The following PLD1 variants were observed in gnomAD, a reference collection of about 807,000 sequenced individuals.
The protein encoded by PLD1 is choline phosphatase 1.
A neutral mutation model predicts 137.1 loss-of-function variants in PLD1; 112 were observed. That is an observed-to-expected ratio of 0.82 (90% CI 0.70 to 0.96). The LOEUF (loss-of-function observed/expected upper bound fraction) is 0.96, where lower values mean the gene tolerates loss of function less well. PLD1 is among the 40% of genes least tolerant of loss of function. PLD1 has a pLI of 0.00. For synonymous variants in PLD1, 431 were observed against 454.7 expected, an observed-to-expected ratio of 0.95 and a Z score of 0.66; for missense variants, 1,321 against 1,342.0, an observed-to-expected ratio of 0.98 and a Z score of 0.24.
At chr3:171,643,427 A>T (rs1253523797) in intron 22 of PLD1, among the ~76,000 whole-genome samples, 1 of 152,170 alleles carries the variant, frequency 6.6e-6, no homozygotes, top group Non-Finnish European at 1.5e-5. Flanking sequence ...CTGATGAATT[A>T]TAAAATCTGA....
chr3:171,648,678 C>T (rs902302398), intron 21 of PLD1, among the ~76,000 whole-genome samples: 5 of 152,082 alleles, frequency 3.3e-5, no homozygotes, highest in Non-Finnish European at 5.9e-5. Flanking sequence ...CCTCAGCTTC[C>T]CGAGTAGCTG....
intron 19 of PLD1, among the ~76,000 whole-genome samples, chr3:171,662,421 C>T (rs1371764320): frequency 3.9e-5 from 6 of 151,974 alleles, no homozygotes; most frequent in African/African-American, 1.4e-4. Flanking sequence ...CTGAATATAC[C>T]CTCTTTCATC....
chr3:171,744,682 A>G (rs1239191620), intron 1 of PLD1, among the ~76,000 whole-genome samples: 1 of 152,254 alleles, frequency 6.6e-6, no homozygotes, highest in East Asian at 1.9e-4. Flanking sequence ...AAACAAAGAA[A>G]CAAACAAAAA....
At chr3:171,661,744 A>T (rs374307584) in intron 20 of PLD1, among the ~76,000 whole-genome samples, 1 of 152,142 alleles carries the variant, frequency 6.6e-6, no homozygotes, top group East Asian at 1.9e-4. Flanking sequence ...CTCCAACCCA[A>T]GCGAAAACAA....
intron 1 of PLD1, among the ~76,000 whole-genome samples, chr3:171,799,658 T>TAACTTTAC (rs1723569400): frequency 6.6e-6 from 1 of 152,062 alleles, no homozygotes; most frequent in Admixed American, 6.5e-5. Flanking sequence ...AGGAAAAAAG[T>TAACTTTAC]AACTTTACAA....
intron 16 of PLD1, among the ~76,000 whole-genome samples, chr3:171,684,002 T>C (rs555980689): frequency 1.3e-5 from 2 of 152,120 alleles, no homozygotes; most frequent in Non-Finnish European, 2.9e-5. Flanking sequence ...TCTCTCTCTA[T>C]CTCTCTCTCT....
intron 11 of PLD1, among the ~76,000 whole-genome samples, chr3:171,706,335 C>A (rs1409625816): frequency 6.6e-6 from 1 of 151,934 alleles, no homozygotes; most frequent in Non-Finnish European, 1.5e-5. Flanking sequence ...GAGGCTCAAC[C>A]CATCATTTGA....
At chr3:171,745,482 A>G (rs6801138) in intron 1 of PLD1, among the ~76,000 whole-genome samples, 10 of 151,946 alleles carry the variant, frequency 6.6e-5, no homozygotes, top group African/African-American at 1.2e-4. Flanking sequence ...TGCCACCAAC[A>G]ATCTCAGCCT....
intron 23 of PLD1, among the ~76,000 whole-genome samples, chr3:171,641,188 G>A (rs1364236860): frequency 1.3e-5 from 2 of 152,154 alleles, no homozygotes; most frequent in South Asian, 2.1e-4. Flanking sequence ...GCTGAGAAGA[G>A]GGAGATGGGT....
chr3:171,770,477 C>A (rs781710427), intron 1 of PLD1, among the ~76,000 whole-genome samples: 7 of 152,170 alleles, frequency 4.6e-5, no homozygotes, highest in South Asian at 2.1e-4. Flanking sequence ...ACAACCCCAA[C>A]TGGGGCCCAA....
chr3:171,683,476 C>T, intron 16 of PLD1, among the ~76,000 whole-genome samples: 1 of 152,152 alleles, frequency 6.6e-6, no homozygotes, highest in East Asian at 1.9e-4. Flanking sequence ...CTGGAACACA[C>T]CCAACCCCTC....
intron 21 of PLD1, among the ~76,000 whole-genome samples, chr3:171,652,412 CAAAAAAAAAAA>C (rs1200348368): frequency 8.5e-5 from 5 of 58,810 alleles, no homozygotes; most frequent in Non-Finnish European, 1.6e-4. Context: ...GACTCCTTCT[CAAAAAAAAAAA>C]AAAAAAAAGG....
chr3:171,657,061 G>GTCCAAAC (rs1737270348), intron 21 of PLD1, among the ~76,000 whole-genome samples: 1 of 152,228 alleles, frequency 6.6e-6, no homozygotes, highest in African/African-American at 2.4e-5. Flanking sequence ...AAAGTCCAAA[G>GTCCAAAC]ATTTAGGCTC....
chr3:171,802,627 T>C (rs1373560167), intron 1 of PLD1, among the ~76,000 whole-genome samples: 5 of 152,286 alleles, frequency 3.3e-5, no homozygotes, highest in African/African-American at 1.2e-4. Flanking sequence ...GAGAAACAAG[T>C]TGATCAAGGT....
chr3:171,764,882 A>AG (rs753055773), intron 1 of PLD1, among the ~76,000 whole-genome samples: 4,283 of 26,968 alleles, frequency 0.16, 766 homozygotes, highest in Non-Finnish European at 0.21. Flanking sequence ...AAAGAAAGAA[A>AG]GAAAGAAAGA....
intron 1 of PLD1, among the ~76,000 whole-genome samples, chr3:171,783,914 T>C (rs975527558): frequency 2.0e-5 from 3 of 152,164 alleles, no homozygotes; most frequent in Non-Finnish European, 4.4e-5. Context: ...ACCAAAGTGC[T>C]GGGATTACAG....
intron 8 of PLD1, among the ~76,000 whole-genome samples, chr3:171,719,211 C>G (rs1473056457): frequency 6.6e-6 from 1 of 152,196 alleles, no homozygotes; most frequent in East Asian, 1.9e-4. Context: ...TACAAGCAGG[C>G]TACTGGATTC....
intron 8 of PLD1, among the ~76,000 whole-genome samples, chr3:171,718,330 A>T (rs1414455151): frequency 1.3e-5 from 2 of 152,218 alleles, no homozygotes; most frequent in East Asian, 3.8e-4. Context: ...CAACCAAAAT[A>T]CAAAAACAAA....
Position 171,738,019 on chromosome 3 carries a change from G to C in PLD1, c.33C>G (p.Thr11=). 1 of 1,613,652 alleles carries C rather than the reference G, an allele frequency of 6.2e-7. No individual in the cohort carries two copies. Among genetic ancestry groups the C allele is most frequent in the Non-Finnish European group, 8.5e-7 (1 of 1,179,756 alleles). ...CAGCAGCAATTTTCTGCAGTGCAGA[G>C]GTATTTACCCGTGGCTCGTTTTTCA... MSLKNEPRVN[T]SALQKIAADM... Residue 11 remains threonine (T), a synonymous_variant, in exon 2 of 27, where the codon ACC becomes ACG. Transcript: ENST00000351298.
Sources: allele counts gnomAD v4.1 joint callset (sites outside exome capture counted in the v4.1 genomes callset), GRCh38; gene constraint gnomAD v4.1.1; transcripts MANE v1.5; gene names NCBI Gene and HGNC (gene_info 2026-07-23, HGNC 2026-07-21).